Variants in CENPT observed in about 807,000 individuals in gnomAD.
The protein encoded by CENPT is centromere protein T.
In CENPT, 42 loss-of-function variants were observed where a neutral mutation model predicts 59.7. The ratio of observed to expected loss-of-function variants is 0.70; its 90% CI spans 0.55 to 0.91. The LOEUF (loss-of-function observed/expected upper bound fraction) is 0.91. Ranked by LOEUF, CENPT falls within the 40% of genes least tolerant of loss-of-function variation. The pLI is 0.00. For missense variants in CENPT, 716 were observed against 713.4 expected (o/e 1.00, Z -0.04); for synonymous variants, 295 against 289.6 (o/e 1.02, Z -0.19).
At chr16:67,837,441 G>A (rs2057740384) in intron 1 of CENPT, among the ~76,000 whole-genome samples, 2 of 151,808 alleles carry the variant, frequency 1.3e-5, no homozygotes, top group African/African-American at 4.8e-5. Flanking sequence ...GGGCGCAGTG[G>A]CTCACACCTG....
chr16:67,829,468 C>A lies in CENPT; in HGVS notation c.1235G>T (p.Arg412Leu), dbSNP rs1345982827. ...GGCTGGCTCAAGAAACTGATGATGT[C>A]GCCTGGCCTGGAGAGACTCAGGGGT... ...SSTPESLQAR[R>L]HHQFLEPAPA... The change falls in exon 13 of 16, where the codon CGA (arginine) becomes CTA (leucine). Residue 412 changes from arginine to leucine, a missense_variant. Transcript: ENST00000562787. 4.4e-6 allele frequency: 7 copies of A among 1,584,224 alleles called. No homozygotes were observed. Among genetic ancestry groups the A allele is most frequent in the Non-Finnish European group, 6.0e-6 (7 of 1,172,366 alleles).
At chr16:67,835,806 C>G (rs2151287094) in intron 1 of CENPT, 148 bp from the exon 2 acceptor site, 1 of 152,188 alleles carries the variant, frequency 6.6e-6, no homozygotes, top group East Asian at 1.9e-4. Flanking sequence ...AGACATATTT[C>G]CATGGTTACT....
intron 11 of CENPT, 84 bp downstream of exon 11, chr16:67,830,306 G>A (rs2057673639): frequency 6.6e-7 from 1 of 1,513,580 alleles, no homozygotes; most frequent in African/African-American, 1.4e-5. Flanking sequence ...TAGGGGCACA[G>A]AGGGGCTTGA....
rs772472172 is a variant in CENPT, at chr16:67,843,276, G to A, written c.-492+4125C>T. ...GGGGAAGAGGGCTTCCCTGATACTGGCTCCGACCATTCGTACTCCTTGTCG... is the reference window on the plus strand; with the variant it reads ...GGGGAAGAGGGCTTCCCTGATACTGACTCCGACCATTCGTACTCCTTGTCG... On this transcript the variant is annotated intron_variant, in intron 1 of 15. Transcript: ENST00000562787. This position sits in a 1 kb window ranked among gnomAD's most constrained non-coding sequence, Gnocchi z 5.7. The A allele has an allele frequency of 2.5e-6, 4 of 1,613,520 alleles. No individual in the cohort carries two copies. The Admixed American group carries it at 5.0e-5, about 20-fold the overall frequency.
intron 1 of CENPT, among the ~76,000 whole-genome samples, chr16:67,844,643 G>A (rs1160501484): frequency 6.6e-6 from 1 of 152,170 alleles, no homozygotes; most frequent in South Asian, 2.1e-4. Context: ...AGCTAGCCAG[G>A]GCTGCTTCAG....
At chr16:67,836,237 T>G (rs1319365447) in intron 1 of CENPT, among the ~76,000 whole-genome samples, 1 of 149,644 alleles carries the variant, frequency 6.7e-6, no homozygotes, top group East Asian at 2.0e-4. Context: ...ATTTTTTGTA[T>G]TTTTAGTAGA....
At chr16:67,831,171 G>C in intron 10 of CENPT, 45 bp downstream of exon 10, 1 of 1,613,026 alleles carries the variant, frequency 6.2e-7, no homozygotes, top group Non-Finnish European at 8.5e-7. Context: ...TGTCATAGCG[G>C]GGAGAGCTTT....
chr16:67,830,970 A>C (rs1005112577), intron 10 of CENPT: 32 of 577,534 alleles, frequency 5.5e-5, no homozygotes, highest in African/African-American at 5.4e-4. Context: ...TGGCCACCAC[A>C]CCACACCCCT....
chr16:67,828,454 CA>C lies in CENPT; in HGVS notation c.1562+19del. The stretch of plus-strand genomic sequence containing the variant: ...CCAAAACTCCCCCAGCCAGCACCCC[CA>C]CACCTTCCGCCTTCTCACCGCCGCA... On this transcript the variant is annotated intron_variant, in intron 15 of 15. Coordinates refer to ENST00000562787, the MANE Select transcript of CENPT (RefSeq NM_025082.4). 1 of 1,614,196 alleles carries C rather than the reference CA, an allele frequency of 6.2e-7. No individual in the cohort carries two copies. Among genetic ancestry groups the C allele is most frequent in the South Asian group, 1.1e-5 (1 of 91,088 alleles).
chr16:67,829,692 C>A, intron 12 of CENPT, 73 bp downstream of exon 12: 1 of 1,511,214 alleles, frequency 6.6e-7, no homozygotes, highest in Admixed American at 1.8e-5. Context: ...AAACACAACC[C>A]AGACAAGGCC....
chr16:67,830,085 G>A lies in CENPT; in HGVS notation c.866C>T (p.Pro289Leu), dbSNP rs775980916. The change falls in exon 12 of 16, where the codon CCT becomes CTT. Residue 289 changes from proline to leucine, a missense_variant. Transcript: ENST00000562787. ...TGCCAGAAACTGGGCTGGTTTCCCA[G>A]GGCCTGAGTGAAGGGGAGAGAATAC... The part of the protein sequence containing the change: ...SSGPGLQKNS[P>L]GKPAQFLAGE... 1 of 1,614,020 alleles carries A rather than the reference G, an allele frequency of 6.2e-7. No individual in the cohort carries two copies. Among genetic ancestry groups the A allele is most frequent in the Non-Finnish European group, 8.5e-7 (1 of 1,179,920 alleles).
At chr16:67,846,298 A>C (rs2057797711) in intron 1 of CENPT, among the ~76,000 whole-genome samples, 1 of 152,252 alleles carries the variant, frequency 6.6e-6, no homozygotes, top group African/African-American at 2.4e-5. Context: ...TGACTGTAGA[A>C]GTTTGAGGGT....
At chr16:67,840,351 A>G (rs953178839) in intron 1 of CENPT, among the ~76,000 whole-genome samples, 1 of 152,158 alleles carries the variant, frequency 6.6e-6, no homozygotes, top group Admixed American at 6.5e-5. Flanking sequence ...AATAATATAT[A>G]TTAGGTTTCT....
intron 4 of CENPT, 75 bp downstream of exon 4, chr16:67,833,675 G>A: frequency 1.1e-6 from 1 of 885,730 alleles, no homozygotes; most frequent in East Asian, 3.3e-5. Flanking sequence ...GAACAGAGTC[G>A]ACGCTGGGTT....
chr16:67,833,622 C>G (rs994581022), intron 4 of CENPT, 128 bp downstream of exon 4: 1 of 533,658 alleles, frequency 1.9e-6, no homozygotes, highest in African/African-American at 2.0e-5. Flanking sequence ...ACGCTGGGTT[C>G]CACCCAGACC....
intron 1 of CENPT, among the ~76,000 whole-genome samples, chr16:67,846,102 G>C (rs912240251): frequency 3.3e-5 from 5 of 152,208 alleles, no homozygotes; most frequent in African/African-American, 7.2e-5. Flanking sequence ...GTGTTACCAA[G>C]AAAACAAATG....
chr16:67,841,041 A>ATATATATATATG (rs1301496709), intron 1 of CENPT, among the ~76,000 whole-genome samples: 1 of 90,724 alleles, frequency 1.1e-5, no homozygotes, highest in African/African-American at 4.1e-5. Context: ...ATATATATAT[A>ATATATATATATG]TATATTAGCC....
chr16:67,828,624 A>T (rs1335379459), intron 14 of CENPT, 43 bp downstream of exon 14: 9 of 1,613,756 alleles, frequency 5.6e-6, no homozygotes, highest in South Asian at 2.2e-5. Flanking sequence ...TCTGATCATG[A>T]CCCGAGGGGT....
chr16:67,829,458 CTGA>C lies in CENPT; in HGVS notation c.1242_1244del (p.His414del). The C allele has an allele frequency of 6.3e-7, 1 of 1,582,422 alleles. No individual in the cohort carries two copies. Among genetic ancestry groups the C allele is most frequent in the South Asian group, 1.2e-5 (1 of 85,690 alleles). On this transcript the variant is annotated inframe_deletion, in exon 13 of 16. Coordinates refer to ENST00000562787, the MANE Select transcript of CENPT (RefSeq NM_025082.4). ...CAGGCGCTGGGGCTGGCTCAAGAAA[CTGA>C]TGATGTCGCCTGGCCTGGAGAGACT...
Sources: allele counts gnomAD v4.1 joint callset (sites outside exome capture counted in the v4.1 genomes callset), GRCh38; gene constraint gnomAD v4.1.1; non-coding constraint Gnocchi (gnomAD v3.1); transcripts MANE v1.5; gene names NCBI Gene and HGNC (gene_info 2026-07-23, HGNC 2026-07-21).